The following MET variants were observed in gnomAD, a reference collection of about 807,000 sequenced individuals.
MET encodes MET proto-oncogene, receptor tyrosine kinase, also known as hepatocyte growth factor receptor.
In MET, 48 loss-of-function variants were observed where a neutral mutation model predicts 133.1. The ratio of observed to expected loss-of-function variants is 0.36; its 90% CI spans 0.29 to 0.46. The LOEUF is 0.46. Among genes scored for constraint, MET ranks in the 20% least tolerant of loss-of-function variants. The pLI is 1.00. For missense variants in MET, 1,442 were observed against 1,695.9 expected (o/e 0.85, Z 2.63); for synonymous variants, 628 against 616.5 (o/e 1.02, Z -0.28).
chr7:116,741,095 G>GTTTGT, intron 5 of MET, 70 bp downstream of exon 5: 1 of 1,560,352 alleles, frequency 6.4e-7, no homozygotes, highest in Non-Finnish European at 8.7e-7. Flanking sequence ...GTTTGGTTTG[G>GTTTGT]TTTGTTTTTT....
chr7:116,798,203 G>A lies in MET; in HGVS notation c.*2079G>A, dbSNP rs757859772. 66 of 212,152 alleles carry A rather than the reference G, an allele frequency of 3.1e-4. No individual in the cohort carries two copies. Among genetic ancestry groups the A allele is most frequent in the African/African-American group, 1.8e-4 (8 of 44,142 alleles). 13.1% of individuals were successfully genotyped at this position (212,152 alleles called of 1,614,324 possible). A position where few individuals can be genotyped will look rare whatever the true frequency, so the allele number is the denominator to read the frequency against. The stretch of plus-strand genomic sequence containing the variant: ...GAGAACACTGCAATGTGAAAATCAC[G>A]TTTGCTATTTATAAACTTGTCCTTA... On this transcript the variant is annotated 3_prime_UTR_variant, in exon 21 of 21. Transcript: ENST00000397752.
chr7:116,743,027 G>C (rs1025419708), intron 5 of MET, among the ~76,000 whole-genome samples: 2 of 152,248 alleles, frequency 1.3e-5, no homozygotes, highest in Admixed American at 1.3e-4. Flanking sequence ...ATGTCCAACA[G>C]AGGTACACGG....
Position 116,699,850 on chromosome 7 carries a change from A to C in MET, c.766A>C (p.Asn256His). Residue 256 changes from asparagine (N) to histidine (H), a missense_variant, in exon 2 of 21, where the codon AAC (asparagine) becomes CAC (histidine). This residue lies in a region of MET where 762 missense variants were observed against 792.4 expected (regional missense o/e 0.96). Coordinates refer to ENST00000397752, the MANE Select transcript of MET (RefSeq NM_000245.4). Reference protein sequence around the residue: ...PIKYVHAFESNNFIYFLTVQR... With the variant: ...PIKYVHAFESHNFIYFLTVQR... ...TAAGTATGTCCATGCCTTTGAAAGC[A>C]ACAATTTTATTTACTTCTTGACGGT... The C allele has an allele frequency of 1.2e-6, 2 of 1,614,100 alleles. No individual in the cohort carries two copies. Among genetic ancestry groups the C allele is most frequent in the Non-Finnish European group, 1.7e-6 (2 of 1,179,974 alleles).
intron 10 of MET, among the ~76,000 whole-genome samples, chr7:116,761,317 G>A (rs1202263102): frequency 6.6e-6 from 1 of 152,030 alleles, no homozygotes; most frequent in Non-Finnish European, 1.5e-5. Context: ...CATTAGAATC[G>A]GACAAGAGTG....
intron 5 of MET, among the ~76,000 whole-genome samples, chr7:116,751,624 T>A (rs981254877): frequency 3.3e-5 from 5 of 152,150 alleles, no homozygotes; most frequent in African/African-American, 1.2e-4. Context: ...ATATGAGAGA[T>A]TTCAGGACTG....
At chr7:116,774,552 A>G (rs1475452714) in intron 14 of MET, among the ~76,000 whole-genome samples, 1 of 152,188 alleles carries the variant, frequency 6.6e-6, no homozygotes, top group African/African-American at 2.4e-5. Context: ...AGACGAGGCA[A>G]TTGCTCAACT....
chr7:116,771,592 C>T lies in MET; in HGVS notation c.2825C>T (p.Ser942Leu), dbSNP rs375576430. Reference sequence around the variant, plus strand: ...TTGATTGCTGGTGTTGTCTCAATATCAACAGCACTGTTATTACTACTTGGG... The same window carrying T: ...TTGATTGCTGGTGTTGTCTCAATATTAACAGCACTGTTATTACTACTTGGG... ...TGLIAGVVSI[S>L]TALLLLLGFF... is the part of the protein sequence containing the mutation. The change falls in exon 13 of 21, where the codon TCA becomes TTA. Residue 942 changes from serine to leucine, a missense_variant. By Grantham distance (145) the Ser-to-Leu change is moderately radical. This residue lies in a region of MET where 514 missense variants were observed against 659.6 expected (regional missense o/e 0.78). Coordinates refer to ENST00000397752, the MANE Select transcript of MET (RefSeq NM_000245.4). 6.1e-5 allele frequency: 99 copies of T among 1,613,762 alleles called. No individual in the cohort carries two copies. Among genetic ancestry groups the T allele is most frequent in the Non-Finnish European group, 8.0e-5 (94 of 1,179,834 alleles).
At position 116,765,484 on chromosome 7, in the gene MET, A is replaced by G. The variant is rs556572301; in HGVS notation, c.2583+2216A>G. 7.2e-5 allele frequency among the ~76,000 whole-genome samples: 11 copies of G among 152,110 alleles called. No individual in the cohort carries two copies. The South Asian group carries it at 2.3e-3, about 32-fold the overall frequency. On this transcript the variant is annotated intron_variant, in intron 11 of 20. Transcript: ENST00000397752. ...TAGTTGTGAGAGTCCCTCAATTCAT[A>G]GTAAGCCCAGTGACTACACCATGGG... is the stretch of plus-strand genomic sequence containing the variant.
intron 1 of MET, among the ~76,000 whole-genome samples, chr7:116,698,805 T>A (rs919431318): frequency 6.6e-6 from 1 of 152,260 alleles, no homozygotes; most frequent in African/African-American, 2.4e-5. Flanking sequence ...AGTTACTGTA[T>A]CAACCTTAAT....
chr7:116,700,376 G>A, intron 2 of MET, 92 bp downstream of exon 2: 1 of 1,426,442 alleles, frequency 7.0e-7, no homozygotes, highest in East Asian at 2.4e-5. Context: ...CTTCTTTTGT[G>A]CTTTGTAAAT....
At chr7:116,720,077 G>A (rs1792419196) in intron 2 of MET, among the ~76,000 whole-genome samples, 1 of 152,164 alleles carries the variant, frequency 6.6e-6, no homozygotes. Context: ...AAATTACCTT[G>A]GGCAGTATGG....
rs542620288 is a variant in MET, at chr7:116,762,976, G to T, written c.2365-74G>T. ...TTATATATTTTCAATTGATTGGGGT[G>T]GTAAATTATAAAGTTGCTATGGATG... On this transcript the variant is annotated intron_variant, in intron 10 of 20. Coordinates refer to ENST00000397752, the MANE Select transcript of MET (RefSeq NM_000245.4). 16 of 1,204,376 alleles carry T rather than the reference G, an allele frequency of 1.3e-5. No homozygotes were observed. The African/African-American group carries it at 2.1e-4, about 16-fold the overall frequency. 74.6% of individuals were successfully genotyped at this position (1,204,376 alleles called of 1,614,324 possible). A position where few individuals can be genotyped will look rare whatever the true frequency, so the allele number is the denominator to read the frequency against.
Position 116,749,675 on chromosome 7 carries a change from G to C in MET, c.1702-5680G>C, listed in dbSNP as rs149138546. On this transcript the variant is annotated intron_variant, in intron 5 of 20. Coordinates refer to ENST00000397752, the MANE Select transcript of MET (RefSeq NM_000245.4). ...GAAGAGAGGAAGTCAAATTGTCTCT[G>C]TTTGCAGATGACATGATTGCATATT... Among the ~76,000 whole-genome samples, 46 of 151,664 alleles carry C rather than the reference G, an allele frequency of 3.0e-4. No homozygotes were observed. In the East Asian group the frequency reaches 7.1e-3, roughly 24 times the overall value.
intron 9 of MET, 180 bp from the exon 10 acceptor site, chr7:116,759,211 T>A (rs1794302546): frequency 1.2e-6 from 1 of 845,156 alleles, no homozygotes; most frequent in Admixed American, 2.9e-5. Flanking sequence ...ATATGCATTT[T>A]AAAAATATTT....
chr7:116,777,527 TA>T, intron 16 of MET, 58 bp downstream of exon 16: 8 of 1,464,856 alleles, frequency 5.5e-6, no homozygotes, highest in Non-Finnish European at 7.7e-6. Flanking sequence ...ACCTAATAAA[TA>T]GCTTATAATA....
At chr7:116,676,335 G>A (rs1796159386) in intron 1 of MET, among the ~76,000 whole-genome samples, 1 of 152,178 alleles carries the variant, frequency 6.6e-6, no homozygotes, top group African/African-American at 2.4e-5. Context: ...AATGTGCTTA[G>A]AGAATCACAA....
chr7:116,753,134 G>A (rs1196754108), intron 5 of MET, among the ~76,000 whole-genome samples: 1 of 152,200 alleles, frequency 6.6e-6, no homozygotes, highest in Non-Finnish European at 1.5e-5. Context: ...GTTTGATAAC[G>A]AGGGTACATT....
At chr7:116,681,383 T>C (rs901428552) in intron 1 of MET, among the ~76,000 whole-genome samples, 1 of 152,150 alleles carries the variant, frequency 6.6e-6, no homozygotes, top group African/African-American at 2.4e-5. Flanking sequence ...TAGCTCATTA[T>C]AATCTATAAA....
intron 6 of MET, among the ~76,000 whole-genome samples, chr7:116,756,780 G>T (rs1271645541): frequency 6.6e-6 from 1 of 152,114 alleles, no homozygotes; most frequent in Non-Finnish European, 1.5e-5. Flanking sequence ...TTAGCCCATT[G>T]TTTCATATGC....
Sources: allele counts gnomAD v4.1 joint callset (sites outside exome capture counted in the v4.1 genomes callset), GRCh38; gene constraint gnomAD v4.1.1; regional missense constraint gnomAD v4.1.1; transcripts MANE v1.5; gene names NCBI Gene and HGNC (gene_info 2026-07-23, HGNC 2026-07-21).